Variants in KLHL32 observed in about 807,000 individuals in gnomAD.
KLHL32 encodes the protein kelch-like protein 32.
Under a neutral mutation model 64.8 loss-of-function variants are expected in KLHL32, and 35 were observed. The ratio of observed to expected loss-of-function variants is 0.54; its 90% CI spans 0.41 to 0.72. The LOEUF (loss-of-function observed/expected upper bound fraction) is 0.72, where lower values mean the gene tolerates loss of function less well. KLHL32 is among the 30% of genes least tolerant of loss of function. KLHL32 has a pLI of 0.00. For missense variants in KLHL32, 589 were observed against 768.5 expected, an observed-to-expected ratio of 0.77 and a Z score of 2.76; for synonymous variants, 259 against 281.0, an observed-to-expected ratio of 0.92 and a Z score of 0.78.
chr6:96,920,559 AACACACACAATTACAC>A (rs1364605684), upstream of KLHL32, among the ~76,000 whole-genome samples: 1 of 151,836 alleles, frequency 6.6e-6, no homozygotes, highest in Non-Finnish European at 1.5e-5. Flanking sequence ...AAAATGGAAA[AACACACACAATTACAC>A]ACACACACAC....
intron 3 of KLHL32, among the ~76,000 whole-genome samples, chr6:97,008,367 T>C (rs1218352544): frequency 1.3e-5 from 2 of 152,026 alleles, no homozygotes; most frequent in Non-Finnish European, 2.9e-5. Context: ...TCTGGAGCCC[T>C]AGGAGAGGCC....
At chr6:97,050,311 A>T (rs1268051502) in intron 4 of KLHL32, among the ~76,000 whole-genome samples, 1 of 152,188 alleles carries the variant, frequency 6.6e-6, no homozygotes, top group African/African-American at 2.4e-5. Flanking sequence ...GTTGAGACTG[A>T]TAATGCCACA....
At chr6:97,082,889 A>G (rs1582965353) in intron 5 of KLHL32, among the ~76,000 whole-genome samples, 1 of 152,310 alleles carries the variant, frequency 6.6e-6, no homozygotes, top group East Asian at 1.9e-4. Context: ...TTGAATATTT[A>G]AAGAGAACAC....
At chr6:96,956,704 C>G (rs781660055) in intron 1 of KLHL32, among the ~76,000 whole-genome samples, 7 of 152,058 alleles carry the variant, frequency 4.6e-5, no homozygotes, top group Non-Finnish European at 1.0e-4. Context: ...CTTGCTGAGC[C>G]TCTCCTTTTT....
chr6:96,967,688 C>G (rs995309146), intron 2 of KLHL32, among the ~76,000 whole-genome samples: 2 of 152,172 alleles, frequency 1.3e-5, no homozygotes, highest in African/African-American at 4.8e-5. Context: ...GGTTCCTTCC[C>G]TCTTAAAATG....
chr6:97,136,762 A>C (rs549509190), intron 10 of KLHL32, among the ~76,000 whole-genome samples: 9 of 152,312 alleles, frequency 5.9e-5, no homozygotes, highest in African/African-American at 2.2e-4. Context: ...TTTTGGAGAA[A>C]AACTGCCAAT....
intron 1 of KLHL32, among the ~76,000 whole-genome samples, chr6:96,954,437 G>T (rs1334691119): frequency 2.0e-5 from 3 of 151,650 alleles, no homozygotes; most frequent in African/African-American, 7.3e-5. Flanking sequence ...ACATGGGCAG[G>T]CTTGTTATGC....
intron 1 of KLHL32, among the ~76,000 whole-genome samples, chr6:96,956,575 T>C (rs1175513543): frequency 2.0e-5 from 3 of 152,224 alleles, no homozygotes; most frequent in Non-Finnish European, 2.9e-5. Flanking sequence ...ACTTGGTCTT[T>C]ACTCAGTATT....
At chr6:97,109,233 C>A (rs1250058575) in intron 6 of KLHL32, among the ~76,000 whole-genome samples, 1 of 152,086 alleles carries the variant, frequency 6.6e-6, no homozygotes, top group Non-Finnish European at 1.5e-5. Flanking sequence ...TTAGATTCAC[C>A]TTTGATCTGG....
the KLHL32 span, among the ~76,000 whole-genome samples, chr6:96,913,059 C>G: frequency 6.6e-6 from 1 of 152,208 alleles, no homozygotes; most frequent in Non-Finnish European, 1.5e-5. Flanking sequence ...TAAGTCACCA[C>G]TTTCTGAACC....
chr6:96,932,181 T>C (rs1228791065), intron 1 of KLHL32, among the ~76,000 whole-genome samples: 1 of 151,364 alleles, frequency 6.6e-6, no homozygotes, highest in Non-Finnish European at 1.5e-5. Context: ...CTGATGTCCT[T>C]GAGCTGATAG....
Position 97,064,735 on chromosome 6 carries a change from G to A in KLHL32, c.411+9G>A. ...CCCACTATCTCATCCAGGTATGTGA[G>A]CTTGCATCCTGCTCATACACCCTTC... On this transcript the variant is annotated intron_variant, in intron 5 of 10. Transcript: ENST00000369261. The A allele has an allele frequency of 6.2e-7, 1 of 1,601,704 alleles. No homozygotes were observed. Among genetic ancestry groups the A allele is most frequent in the Non-Finnish European group, 8.6e-7 (1 of 1,168,778 alleles).
chr6:97,097,608 T>C (rs911980355), intron 6 of KLHL32, among the ~76,000 whole-genome samples: 1 of 150,896 alleles, frequency 6.6e-6, no homozygotes, highest in African/African-American at 2.4e-5. Context: ...TTTCACTCGG[T>C]GACCTTCACA....
chr6:96,947,316 C>T (rs1176451378), intron 1 of KLHL32, among the ~76,000 whole-genome samples: 2 of 152,066 alleles, frequency 1.3e-5, no homozygotes, highest in Non-Finnish European at 2.9e-5. Context: ...TGAACCTCCT[C>T]TGGTTCCAAG....
At chr6:97,126,154 T>G (rs1233747689) in intron 7 of KLHL32, among the ~76,000 whole-genome samples, 1 of 152,138 alleles carries the variant, frequency 6.6e-6, no homozygotes, top group African/African-American at 2.4e-5. Context: ...ATTTTATATC[T>G]TTATTGAAAA....
intron 4 of KLHL32, among the ~76,000 whole-genome samples, chr6:97,046,228 A>G (rs1562276811): frequency 6.6e-6 from 1 of 152,204 alleles, no homozygotes; most frequent in Non-Finnish European, 1.5e-5. Context: ...ACTAATCTTT[A>G]AAACAGCTCT....
chr6:97,062,170 T>C (rs1258864554), intron 4 of KLHL32, among the ~76,000 whole-genome samples: 1 of 152,210 alleles, frequency 6.6e-6, no homozygotes, highest in Admixed American at 6.5e-5. Flanking sequence ...ACACATGCTA[T>C]GGAATATTCA....
intron 3 of KLHL32, among the ~76,000 whole-genome samples, chr6:97,011,219 C>T (rs565689468): frequency 6.6e-6 from 1 of 152,324 alleles, no homozygotes; most frequent in East Asian, 1.9e-4. Flanking sequence ...TTTAACAAAA[C>T]TGCTGTTTAT....
In KLHL32 at chr6:97,114,396, C is replaced by G. The variant is rs756713563; in HGVS notation, c.1241C>G (p.Pro414Arg). 2 of 1,614,094 alleles carry G rather than the reference C, an allele frequency of 1.2e-6. No individual in the cohort carries two copies. The highest frequency in any genetic ancestry group is 2.7e-5 in the African/African-American group (2 of 74,928). ...GGRNELRQVL[P>R]TVERYCPKKN... is the part of the protein sequence containing the mutation. ...AGAAATGAACTGCGCCAGGTTCTGC[C>G]TACAGTTGAGCGATATTGCCCCAAG... The change falls in exon 7 of 11, where the codon CCT (proline) becomes CGT (arginine). Residue 414 changes from proline to arginine, a missense_variant. By Grantham distance (103) the Pro-to-Arg change is moderately radical. Coordinates refer to ENST00000369261, the MANE Select transcript of KLHL32 (RefSeq NM_052904.4).
Sources: allele counts gnomAD v4.1 joint callset (sites outside exome capture counted in the v4.1 genomes callset), GRCh38; gene constraint gnomAD v4.1.1; transcripts MANE v1.5; gene names NCBI Gene and HGNC (gene_info 2026-07-23, HGNC 2026-07-21).